Variants in FCHSD2 observed in about 807,000 individuals in gnomAD.
FCHSD2 encodes F-BAR and double SH3 domains protein 2.
A neutral mutation model predicts 108.1 loss-of-function variants in FCHSD2; 38 were observed. The ratio of observed to expected loss-of-function variants is 0.35; its 90% CI spans 0.27 to 0.46. The LOEUF is 0.46. FCHSD2 is among the 20% of genes least tolerant of loss of function. The pLI, the probability that FCHSD2 is intolerant of heterozygous loss-of-function variation, is 1.00. For missense variants in FCHSD2, 751 were observed against 897.8 expected (o/e 0.84, Z 2.09); for synonymous variants, 279 against 314.7 (o/e 0.89, Z 1.20).
chr11:73,127,467 T>C (rs1860885166), intron 2 of FCHSD2, among the ~76,000 whole-genome samples: 1 of 152,206 alleles, frequency 6.6e-6, no homozygotes, highest in Non-Finnish European at 1.5e-5. Flanking sequence ...CCTAGATCCC[T>C]AATTAGTTAC....
chr11:72,838,256 G>C lies in FCHSD2; in HGVS notation c.*535C>G, dbSNP rs1182952289. ...AGGGCAGTCCAATTTTTCCCAATAAGGTTTCACTTTCTCAGTCTGGGGACT... is the reference window on the plus strand; with the variant it reads ...AGGGCAGTCCAATTTTTCCCAATAACGTTTCACTTTCTCAGTCTGGGGACT... On this transcript the variant is annotated 3_prime_UTR_variant, in exon 20 of 20. Coordinates refer to ENST00000409418, the MANE Select transcript of FCHSD2 (RefSeq NM_014824.3). 6.5e-6 allele frequency: 1 copy of C among 153,414 alleles called. No individual in the cohort carries two copies. Among genetic ancestry groups the C allele is most frequent in the Non-Finnish European group, 1.5e-5 (1 of 68,868 alleles). 9.5% of individuals were successfully genotyped at this position (153,414 alleles called of 1,614,324 possible). A position where few individuals can be genotyped will look rare whatever the true frequency, so the allele number is the denominator to read the frequency against.
At chr11:72,843,019 G>C in intron 16 of FCHSD2, 132 bp downstream of exon 16, 1 of 960,666 alleles carries the variant, frequency 1.0e-6, no homozygotes, top group South Asian at 1.6e-5. Context: ...GGACAAACGT[G>C]ACCATATAAA....
intron 9 of FCHSD2, among the ~76,000 whole-genome samples, chr11:72,916,021 A>G (rs1403502743): frequency 1.3e-5 from 2 of 152,142 alleles, no homozygotes; most frequent in Non-Finnish European, 2.9e-5. Flanking sequence ...AATTATGAGA[A>G]CACATGGGAA....
rs757793948 is a variant in FCHSD2 at position 72,889,860 on chromosome 11, C to G, written c.1010G>C (p.Arg337Pro). The change falls in exon 11 of 20, where the codon CGT becomes CCT. Residue 337 changes from arginine (R) to proline (P), a missense_variant. Coordinates refer to ENST00000409418, the MANE Select transcript of FCHSD2 (RefSeq NM_014824.3). ...EARKWATRVA[R>P]EHKNIVHQQR... The stretch of plus-strand genomic sequence containing the variant: ...TTGGTGAACAATGTTTTTATGCTCA[C>G]GTGCCACACGTGTGGCCCATTTTCG... 1 of 1,611,444 alleles carries G rather than the reference C, an allele frequency of 6.2e-7. No individual in the cohort carries two copies. Among genetic ancestry groups the G allele is most frequent in the African/African-American group, 1.3e-5 (1 of 74,886 alleles).
intron 4 of FCHSD2, among the ~76,000 whole-genome samples, chr11:73,004,015 C>T (rs1183268445): frequency 7.2e-6 from 1 of 139,630 alleles, no homozygotes; most frequent in East Asian, 2.3e-4. Flanking sequence ...GAGACTGAGG[C>T]AGGAGACTCG....
chr11:73,011,923 G>A (rs1426046142), intron 4 of FCHSD2, among the ~76,000 whole-genome samples: 1 of 152,094 alleles, frequency 6.6e-6, no homozygotes, highest in African/African-American at 2.4e-5. Flanking sequence ...TCTTCTTAGT[G>A]GAGGAGGTAC....
chr11:73,092,662 A>C (rs1859984941), intron 2 of FCHSD2, among the ~76,000 whole-genome samples: 1 of 152,218 alleles, frequency 6.6e-6, no homozygotes, highest in Admixed American at 6.5e-5. Flanking sequence ...AAATTTGATT[A>C]ATAGCTCAGT....
chr11:72,869,955 T>C (rs1376295615), intron 12 of FCHSD2, among the ~76,000 whole-genome samples: 4 of 152,134 alleles, frequency 2.6e-5, no homozygotes, highest in Non-Finnish European at 5.9e-5. Flanking sequence ...GAATAAAAAA[T>C]ATCTTTCACA....
intron 5 of FCHSD2, among the ~76,000 whole-genome samples, chr11:72,997,761 C>T (rs541568066): frequency 6.6e-6 from 1 of 152,282 alleles, no homozygotes; most frequent in South Asian, 2.1e-4. Flanking sequence ...AGTGCAGTGG[C>T]ACGATCTCGA....
intron 12 of FCHSD2, among the ~76,000 whole-genome samples, chr11:72,877,154 T>G (rs1422894424): frequency 1.3e-5 from 2 of 151,990 alleles, no homozygotes; most frequent in Non-Finnish European, 2.9e-5. Flanking sequence ...GCCCGGCTAA[T>G]TTTTGTATTT....
chr11:72,956,571 G>A (rs1332579540), intron 8 of FCHSD2, among the ~76,000 whole-genome samples: 4 of 152,166 alleles, frequency 2.6e-5, no homozygotes, highest in South Asian at 4.1e-4. Flanking sequence ...CCAAGATCAA[G>A]GCGCCAGCAG....
chr11:72,846,181 C>CT (rs35708688), intron 14 of FCHSD2, among the ~76,000 whole-genome samples: 2,707 of 137,096 alleles, frequency 0.02, 255 homozygotes, highest in African/African-American at 0.064. Context: ...TCCTTTTGCT[C>CT]TTTTTTTTTT....
chr11:73,103,370 T>G (rs1159460103), intron 2 of FCHSD2, among the ~76,000 whole-genome samples: 3 of 152,194 alleles, frequency 2.0e-5, no homozygotes, highest in African/African-American at 7.2e-5. Context: ...TAAAAAAAAT[T>G]ACTTCATTGT....
intron 3 of FCHSD2, among the ~76,000 whole-genome samples, chr11:73,017,536 C>G (rs1858000398): frequency 6.6e-6 from 1 of 152,160 alleles, no homozygotes; most frequent in Non-Finnish European, 1.5e-5. Flanking sequence ...GCTTCAATCT[C>G]AAGTTCCTCC....
intron 8 of FCHSD2, among the ~76,000 whole-genome samples, chr11:72,960,206 T>G (rs1220741998): frequency 6.6e-6 from 1 of 151,938 alleles, no homozygotes; most frequent in Non-Finnish European, 1.5e-5. Flanking sequence ...GGGAGCAAGG[T>G]GGGAGGGGAG....
rs1031273196 is a variant in FCHSD2 at position 72,837,220 on chromosome 11, A to C, written c.*1571T>G. The C allele has an allele frequency of 8.5e-5, 13 of 152,652 alleles. No individual in the cohort carries two copies. Among genetic ancestry groups the C allele is most frequent in the African/African-American group, 2.9e-4 (12 of 41,578 alleles). The allele number at this position is 152,652 out of a possible 1,614,324, so 9.5% of individuals were successfully genotyped here. A position where few individuals can be genotyped will look rare whatever the true frequency, so the allele number is the denominator to read the frequency against. On this transcript the variant is annotated 3_prime_UTR_variant, in exon 20 of 20. Coordinates refer to ENST00000409418, the MANE Select transcript of FCHSD2 (RefSeq NM_014824.3). ...AGACCTCAAATAGATCAACAGGTTA[A>C]GAAGTGTAAAAAACAACAACGAAAA...
chr11:73,122,886 T>C (rs1860766933), intron 2 of FCHSD2, among the ~76,000 whole-genome samples: 1 of 152,238 alleles, frequency 6.6e-6, no homozygotes, highest in African/African-American at 2.4e-5. Context: ...GCAGATTAAG[T>C]AAATGTCATT....
chr11:72,908,151 G>A (rs1855674025), intron 9 of FCHSD2, among the ~76,000 whole-genome samples: 1 of 152,092 alleles, frequency 6.6e-6, no homozygotes, highest in African/African-American at 2.4e-5. Context: ...TCTGTGCCTA[G>A]TTTATTTCAC....
At chr11:73,062,034 G>A (rs1859178374) in intron 3 of FCHSD2, among the ~76,000 whole-genome samples, 1 of 152,190 alleles carries the variant, frequency 6.6e-6, no homozygotes, top group Admixed American at 6.5e-5. Context: ...CCCAGTAGGG[G>A]CCAACAGACA....
Sources: gnomAD v4.1 joint callset for allele counts (sites outside exome capture counted in the v4.1 genomes callset) on GRCh38, gnomAD v4.1.1 for gene constraint, MANE v1.5 for transcripts, NCBI Gene and HGNC (gene_info 2026-07-23, HGNC 2026-07-21) for gene names.